SEPTIN9: variants seen among roughly 807,000 people sequenced by gnomAD.
SEPTIN9 encodes septin 9.
Under a neutral mutation model 56.6 loss-of-function variants are expected in SEPTIN9, and 13 were observed. The ratio of observed to expected loss-of-function variants is 0.23; its 90% CI spans 0.15 to 0.37. The LOEUF (loss-of-function observed/expected upper bound fraction) is 0.37. Ranked by LOEUF, SEPTIN9 falls within the 10% of genes least tolerant of loss-of-function variation. SEPTIN9 has a pLI of 1.00. For missense variants in SEPTIN9, 650 were observed against 823.1 expected (o/e 0.79, Z 2.57); for synonymous variants, 332 against 334.1 (o/e 0.99, Z 0.07).
intron 2 of SEPTIN9, among the ~76,000 whole-genome samples, chr17:77,392,022 T>C (rs9907279): frequency 0.19 from 28,283 of 152,170 alleles, 3,031 homozygotes; most frequent in East Asian, 0.47. Flanking sequence ...CTGTGCCCCA[T>C]AGGCAGGGTG....
intron 2 of SEPTIN9, among the ~76,000 whole-genome samples, chr17:77,359,157 T>G (rs750084483): frequency 2.6e-5 from 4 of 152,148 alleles, no homozygotes; most frequent in African/African-American, 4.8e-5. Flanking sequence ...AGAACCCAGT[T>G]GTATGGCCGC....
intron 2 of SEPTIN9, among the ~76,000 whole-genome samples, chr17:77,311,336 C>T (rs2032484349): frequency 6.6e-6 from 1 of 151,916 alleles, no homozygotes; most frequent in African/African-American, 2.4e-5. Flanking sequence ...TTTCAAGCCC[C>T]ACAGCTGTGG....
chr17:77,486,888 A>G (rs929672248), intron 4 of SEPTIN9, among the ~76,000 whole-genome samples: 7 of 152,130 alleles, frequency 4.6e-5, no homozygotes, highest in African/African-American at 1.7e-4. Context: ...CGGGGGAAGG[A>G]CTGTTTATCC....
At chr17:77,338,236 G>A (rs1257105547) in intron 2 of SEPTIN9, among the ~76,000 whole-genome samples, 1 of 151,986 alleles carries the variant, frequency 6.6e-6, no homozygotes, top group Non-Finnish European at 1.5e-5. Flanking sequence ...CTATACTATA[G>A]TCTATTAAAG....
intron 2 of SEPTIN9, among the ~76,000 whole-genome samples, chr17:77,308,973 TAA>T (rs760326375): frequency 1.3e-5 from 2 of 152,208 alleles, no homozygotes; most frequent in Non-Finnish European, 2.9e-5. Flanking sequence ...GCGCTGTGGT[TAA>T]GAGGGGCTCC....
At chr17:77,408,990 A>T (rs571235271) in intron 3 of SEPTIN9, among the ~76,000 whole-genome samples, 2 of 152,164 alleles carry the variant, frequency 1.3e-5, no homozygotes, top group Admixed American at 1.3e-4. Flanking sequence ...GGATCGTGTC[A>T]TGCCTCGGGT....
intron 3 of SEPTIN9, among the ~76,000 whole-genome samples, chr17:77,430,389 G>C (rs906135964): frequency 6.6e-6 from 1 of 152,196 alleles, no homozygotes; most frequent in Non-Finnish European, 1.5e-5. Context: ...GTCATGCAGC[G>C]GGGGGTGGAG....
rs1488719952 is a variant in SEPTIN9, at chr17:77,451,482, CCGCGGCTCTCGG to C, written c.722-30657_722-30646del. ...TGAGCCATGTGACCCGGTGGGCGGG[CCGCGGCTCTCGG>C]CGCGTCCAGCGCAGCCCGACGTTCC... On this transcript the variant is annotated intron_variant, in intron 3 of 11. Transcript: ENST00000427177. The surrounding 1 kb of genome is among the most constrained non-coding windows in gnomAD (Gnocchi z 4.2). The C allele has an allele frequency of 1.0e-6, 1 of 985,740 alleles. No homozygotes were observed. The highest frequency in any genetic ancestry group is 1.2e-6 in the Non-Finnish European group (1 of 830,276). 61.1% of individuals were successfully genotyped at this position (985,740 alleles called of 1,614,324 possible).
chr17:77,372,757 GC>G (rs149776443), intron 2 of SEPTIN9, among the ~76,000 whole-genome samples: 2,178 of 151,976 alleles, frequency 0.014, 38 homozygotes, highest in African/African-American at 0.05. Flanking sequence ...CTGCAGGGGT[GC>G]CCTCGGTGGG....
intron 8 of SEPTIN9, among the ~76,000 whole-genome samples, chr17:77,491,225 T>C (rs77839741): frequency 1.1e-4 from 4 of 35,032 alleles, no homozygotes; most frequent in Admixed American, 2.1e-4. Flanking sequence ...TGCCCCCCCT[T>C]TTTTTTTTTG....
At position 77,319,663 on chromosome 17, in the gene SEPTIN9, G is replaced by A; in HGVS notation, c.76+12466G>A. The stretch of plus-strand genomic sequence containing the variant: ...CCACGTTGGGGTACAGGGTGAAGAA[G>A]GGCTGGGGCCAGCCCAGGACAGAGG... On this transcript the variant is annotated intron_variant, in intron 2 of 11. Transcript: ENST00000427177. This position sits in a 1 kb window ranked among gnomAD's most constrained non-coding sequence, Gnocchi z 5.3. 1 of 1,063,628 alleles carries A rather than the reference G, an allele frequency of 9.4e-7. No individual in the cohort carries two copies. Among genetic ancestry groups the A allele is most frequent in the Non-Finnish European group, 1.1e-6 (1 of 878,258 alleles). The allele number at this position is 1,063,628 out of a possible 1,614,324, so 65.9% of individuals were successfully genotyped here. A position where few individuals can be genotyped will look rare whatever the true frequency, so the allele number is the denominator to read the frequency against.
chr17:77,432,266 A>T (rs559692141), intron 3 of SEPTIN9, among the ~76,000 whole-genome samples: 26 of 152,336 alleles, frequency 1.7e-4, no homozygotes, highest in Admixed American at 1.6e-3. Context: ...AAAGGTGTTC[A>T]TAGAGCAAAG....
At chr17:77,460,136 A>G (rs890165494) in intron 3 of SEPTIN9, among the ~76,000 whole-genome samples, 1 of 150,356 alleles carries the variant, frequency 6.7e-6, no homozygotes, top group Non-Finnish European at 1.5e-5. Context: ...TGGAGGGGAC[A>G]ACGTCCAAAC....
intron 3 of SEPTIN9, among the ~76,000 whole-genome samples, chr17:77,443,803 A>G (rs2037636902): frequency 6.6e-6 from 1 of 152,080 alleles, no homozygotes. Flanking sequence ...GTCTCAAAAA[A>G]AAAGAAAAAA....
At chr17:77,431,758 A>T (rs1318120868) in intron 3 of SEPTIN9, among the ~76,000 whole-genome samples, 3 of 143,568 alleles carry the variant, frequency 2.1e-5, no homozygotes, top group Middle Eastern at 3.4e-3. Flanking sequence ...TGAGCCCGGG[A>T]GGTAGAGGTT....
At chr17:77,334,150 C>T (rs546563903) in intron 2 of SEPTIN9, among the ~76,000 whole-genome samples, 14 of 152,128 alleles carry the variant, frequency 9.2e-5, no homozygotes, top group Middle Eastern at 6.8e-3. Context: ...TGGCCGGGCA[C>T]AGTGGCTCAC....
chr17:77,431,161 G>A lies in SEPTIN9; in HGVS notation c.721+28458G>A, dbSNP rs2037116877. On this transcript the variant is annotated intron_variant, in intron 3 of 11. Coordinates refer to ENST00000427177, the MANE Select transcript of SEPTIN9 (RefSeq NM_001113491.2). ...TTCGAGACCAGTCTGGGCAACAGAG[G>A]TGCTAGGGGTAGTGGCGCTTGCCTG... Among the ~76,000 whole-genome samples the A allele has an allele frequency of 2.0e-5, 3 of 152,086 alleles. No individual in the cohort carries two copies. The South Asian group carries it at 6.2e-4, about 31-fold the overall frequency.
chr17:77,316,041 G>A (rs1291657546), intron 2 of SEPTIN9, among the ~76,000 whole-genome samples: 1 of 152,222 alleles, frequency 6.6e-6, no homozygotes, highest in African/African-American at 2.4e-5. Flanking sequence ...GAAAAGGTGG[G>A]TTAAACCAAG....
At chr17:77,292,616 C>A (rs1178508716) in intron 1 of SEPTIN9, among the ~76,000 whole-genome samples, 1 of 152,142 alleles carries the variant, frequency 6.6e-6, no homozygotes, top group Non-Finnish European at 1.5e-5. Context: ...GCTTCAGCCT[C>A]CCAAGTAGCT....
Sources: gnomAD v4.1 joint callset for allele counts (sites outside exome capture counted in the v4.1 genomes callset) on GRCh38, gnomAD v4.1.1 for gene constraint, Gnocchi (gnomAD v3.1) non-coding constraint, MANE v1.5 for transcripts, NCBI Gene and HGNC (gene_info 2026-07-23, HGNC 2026-07-21) for gene names.